RBM18: variants seen among roughly 807,000 people sequenced by gnomAD.
RBM18 encodes the protein probable RNA-binding protein 18.
RBM18 carries 18 observed loss-of-function variants against 26.4 expected under a neutral mutation model. That is an observed-to-expected ratio of 0.68 (90% CI 0.47 to 1.01). The LOEUF is 1.01. Ranked by LOEUF, RBM18 falls within the 50% of genes least tolerant of loss-of-function variation. RBM18 has a pLI of 0.00. For synonymous variants in RBM18, 74 were observed against 81.1 expected (o/e 0.91, Z 0.47); for missense variants, 180 against 219.2 (o/e 0.82, Z 1.13).
At chr9:122,262,398 C>T (rs193055039) in intron 1 of RBM18, among the ~76,000 whole-genome samples, 25 of 152,244 alleles carry the variant, frequency 1.6e-4, no homozygotes, top group Admixed American at 3.9e-4. Flanking sequence ...CATTTAGAAC[C>T]GTGCATGGCA....
In RBM18 at chr9:122,237,934, T is replaced by G. The variant is rs1217656996; in HGVS notation, c.*3950A>C. 1 of 152,110 alleles carries G rather than the reference T, an allele frequency of 6.6e-6. No homozygotes were observed. Among genetic ancestry groups the G allele is most frequent in the African/African-American group, 2.4e-5 (1 of 41,402 alleles). The allele number at this position is 152,110 out of a possible 1,614,324, so 9.4% of individuals were successfully genotyped here. A position where few individuals can be genotyped will look rare whatever the true frequency, so the allele number is the denominator to read the frequency against. ...ATGTCACAATATAGTATATATATTTTGTTTACTTTTTTTCTCAACCACTCG... is the reference window on the plus strand; with the variant it reads ...ATGTCACAATATAGTATATATATTTGGTTTACTTTTTTTCTCAACCACTCG... On this transcript the variant is annotated 3_prime_UTR_variant, in exon 6 of 6. Coordinates refer to ENST00000417201, the MANE Select transcript of RBM18 (RefSeq NM_033117.4).
intron 2 of RBM18, among the ~76,000 whole-genome samples, chr9:122,257,261 C>G (rs1284798726): frequency 1.3e-5 from 2 of 152,132 alleles, no homozygotes; most frequent in African/African-American, 4.8e-5. Flanking sequence ...CCTGCCTCAG[C>G]CTCCTGAGTA....
intron 1 of RBM18, among the ~76,000 whole-genome samples, chr9:122,262,390 T>C (rs1240933965): frequency 1.3e-5 from 2 of 152,190 alleles, no homozygotes; most frequent in African/African-American, 4.8e-5. Context: ...ACCTAGAGCA[T>C]TTAGAACCGT....
At chr9:122,249,770 T>G (rs1308761073) in intron 3 of RBM18, among the ~76,000 whole-genome samples, 2 of 150,482 alleles carry the variant, frequency 1.3e-5, no homozygotes, top group Admixed American at 1.3e-4. Context: ...TAAGAAAGAA[T>G]AAAATATTTA....
intron 3 of RBM18, 22 bp from the exon 4 acceptor site, chr9:122,247,626 G>T (rs1831525400): frequency 3.7e-6 from 6 of 1,600,584 alleles, no homozygotes; most frequent in African/African-American, 1.3e-5. Flanking sequence ...AGGGACAAAT[G>T]TTAGTTAAAA....
chr9:122,245,024 A>C (rs996118360), intron 5 of RBM18, among the ~76,000 whole-genome samples: 2 of 152,228 alleles, frequency 1.3e-5, no homozygotes, highest in African/African-American at 2.4e-5. Flanking sequence ...GGTGTGTAGT[A>C]GCTACACCCA....
In RBM18 at chr9:122,241,647, T is replaced by C. The variant is rs1169262364; in HGVS notation, c.*237A>G. 5.2e-6 allele frequency: 2 copies of C among 388,232 alleles called. No homozygotes were observed. The highest frequency in any genetic ancestry group is 2.1e-5 in the African/African-American group (1 of 48,446). The allele number at this position is 388,232 out of a possible 1,614,324, so 24.0% of individuals were successfully genotyped here. A position where few individuals can be genotyped will look rare whatever the true frequency, so the allele number is the denominator to read the frequency against. The stretch of plus-strand genomic sequence containing the variant: ...CCAAACCAACCAGCCAATTAGAGCA[T>C]CCCAGGGTTCAAATCACAATTTGGG... On this transcript the variant is annotated 3_prime_UTR_variant, in exon 6 of 6. Transcript: ENST00000417201.
chr9:122,254,444 C>G (rs1295864462), intron 2 of RBM18: 1 of 218,446 alleles, frequency 4.6e-6, no homozygotes, highest in Non-Finnish European at 7.8e-6. Context: ...GTGAAAAAAG[C>G]CTGAAGGATC....
chr9:122,246,760 G>A (rs1454316101), intron 4 of RBM18, among the ~76,000 whole-genome samples: 1 of 152,146 alleles, frequency 6.6e-6, no homozygotes, highest in Non-Finnish European at 1.5e-5. Context: ...TAGAGCTAAA[G>A]ATTTCAGCTC....
rs1169967786 is a variant in RBM18 at position 122,240,185 on chromosome 9, T to C, written c.*1699A>G. 2 of 152,212 alleles carry C rather than the reference T, an allele frequency of 1.3e-5. No homozygotes were observed. Among genetic ancestry groups the C allele is most frequent in the Non-Finnish European group, 2.9e-5 (2 of 68,036 alleles). The allele number at this position is 152,212 out of a possible 1,614,324, so 9.4% of individuals were successfully genotyped here. ...CTATTTTGCACTATGTAAGTTCTAG[T>C]CCACCATAATCCTTTGAAGACTTAC... On this transcript the variant is annotated 3_prime_UTR_variant, in exon 6 of 6. Coordinates refer to ENST00000417201, the MANE Select transcript of RBM18 (RefSeq NM_033117.4).
intron 2 of RBM18, among the ~76,000 whole-genome samples, chr9:122,256,120 A>G (rs1831694592): frequency 6.6e-6 from 1 of 152,192 alleles, no homozygotes; most frequent in African/African-American, 2.4e-5. Context: ...AACACCCACA[A>G]TGAGTTTCTT....
At chr9:122,246,036 T>C (rs2118953938) in intron 4 of RBM18, among the ~76,000 whole-genome samples, 1 of 152,290 alleles carries the variant, frequency 6.6e-6, no homozygotes, top group South Asian at 2.1e-4. Flanking sequence ...CAACCAAGCA[T>C]AATATTCAAC....
intron 3 of RBM18, among the ~76,000 whole-genome samples, chr9:122,250,012 G>A (rs1743858356): frequency 7.6e-6 from 1 of 132,082 alleles, no homozygotes; most frequent in Admixed American, 9.0e-5. Flanking sequence ...CAAGGGTGCA[G>A]TGGGTCATGA....
At position 122,262,106 on chromosome 9, in the gene RBM18, GA is replaced by G. The variant is rs539535175; in HGVS notation, c.-16-599del. 6.1e-5 allele frequency among the ~76,000 whole-genome samples: 9 copies of G among 147,688 alleles called. No homozygotes were observed. The East Asian group carries it at 1.6e-3, about 26-fold the overall frequency. On this transcript the variant is annotated intron_variant, in intron 1 of 5. Transcript: ENST00000417201. ...GAGAGATAATAGTGCTTATTTTATA[GA>G]GTTGTTGTGAAGATTAAAGACAGTA...
At chr9:122,261,616 C>A in intron 1 of RBM18, 108 bp from the exon 2 acceptor site, 1 of 750,276 alleles carries the variant, frequency 1.3e-6, no homozygotes, top group Non-Finnish European at 2.2e-6. Flanking sequence ...GCCCTCTGGG[C>A]AGTCCTTCAA....
At chr9:122,260,825 G>C (rs973581214) in intron 2 of RBM18, among the ~76,000 whole-genome samples, 1 of 152,114 alleles carries the variant, frequency 6.6e-6, no homozygotes, top group Non-Finnish European at 1.5e-5. Flanking sequence ...TCTAAGACAG[G>C]GTTCTTCAGA....
Position 122,254,363 on chromosome 9 carries a change from G to C in RBM18, c.114-2390C>G, listed in dbSNP as rs1386794948. The C allele has an allele frequency of 1.1e-5, 10 of 880,352 alleles. No homozygotes were observed. In the East Asian group the frequency reaches 3.6e-4, roughly 32 times the overall value. 54.5% of individuals were successfully genotyped at this position (880,352 alleles called of 1,614,324 possible). A position where few individuals can be genotyped will look rare whatever the true frequency, so the allele number is the denominator to read the frequency against. On this transcript the variant is annotated intron_variant, in intron 2 of 5. Transcript: ENST00000417201. ...GTTTGATAATTTCTTAAAATTATCG[G>C]AACACTGAAACAAAAGGAATGAAAT...
At chr9:122,248,603 C>T (rs1831544768) in intron 3 of RBM18, among the ~76,000 whole-genome samples, 1 of 152,178 alleles carries the variant, frequency 6.6e-6, no homozygotes, top group South Asian at 2.1e-4. Context: ...GACCCTTTCC[C>T]CATCAGACAG....
At chr9:122,252,836 T>C (rs1048493168) in intron 2 of RBM18, among the ~76,000 whole-genome samples, 5 of 152,362 alleles carry the variant, frequency 3.3e-5, no homozygotes, top group African/African-American at 1.2e-4. Context: ...TCATCCTCTA[T>C]TAAATTTCTT....
Sources: gnomAD v4.1 joint callset for allele counts (sites outside exome capture counted in the v4.1 genomes callset) on GRCh38, gnomAD v4.1.1 for gene constraint, MANE v1.5 for transcripts, NCBI Gene and HGNC (gene_info 2026-07-23, HGNC 2026-07-21) for gene names.